LRRC36: variants seen among roughly 807,000 people sequenced by gnomAD.
LRRC36 encodes the protein leucine rich repeat containing 36, also known as leucine-rich repeat-containing protein 36.
In LRRC36, 62 loss-of-function variants were observed where a neutral mutation model predicts 81.1. The observed-to-expected ratio is 0.76, with a 90% CI of 0.62 to 0.94. LRRC36 has a LOEUF of 0.94. LRRC36 is among the 40% of genes least tolerant of loss of function. The pLI is 0.00. For synonymous variants in LRRC36, 334 were observed against 348.6 expected, an observed-to-expected ratio of 0.96 and a Z score of 0.47; for missense variants, 761 against 881.7, an observed-to-expected ratio of 0.86 and a Z score of 1.73.
chr16:67,376,549 A>T (rs1295186589), intron 10 of LRRC36, among the ~76,000 whole-genome samples, 178 bp from the exon 11 acceptor site: 2 of 152,168 alleles, frequency 1.3e-5, no homozygotes, highest in African/African-American at 4.8e-5. Flanking sequence ...TCCATAGAGG[A>T]TGTAGGATAT....
At chr16:67,355,364 T>C (rs1387128517) in intron 5 of LRRC36, among the ~76,000 whole-genome samples, 1 of 76,968 alleles carries the variant, frequency 1.3e-5, no homozygotes, top group Non-Finnish European at 2.1e-5. Flanking sequence ...TTAAGATGTC[T>C]TTTTTTTTTT....
chr16:67,333,931 TTAA>T (rs2037623530), intron 1 of LRRC36, among the ~76,000 whole-genome samples: 1 of 152,232 alleles, frequency 6.6e-6, no homozygotes, highest in Non-Finnish European at 1.5e-5. Context: ...GATGCGATTA[TTAA>T]CTAAAGTCCA....
rs1282341997 is a variant in LRRC36, at chr16:67,385,099, G to A, written c.*10G>A. 26 of 1,605,724 alleles carry A rather than the reference G, an allele frequency of 1.6e-5. No individual in the cohort carries two copies. Among genetic ancestry groups the A allele is most frequent in the Non-Finnish European group, 2.2e-5 (26 of 1,173,248 alleles). ...AGAGCCTGGCTTATAGAGCTAGCAT[G>A]GAACTCACACCACAGCTTCCCTGGT... On this transcript the variant is annotated 3_prime_UTR_variant, in exon 14 of 14. Transcript: ENST00000329956.
chr16:67,360,194 C>A (rs988447393), intron 5 of LRRC36, among the ~76,000 whole-genome samples: 1 of 151,452 alleles, frequency 6.6e-6, no homozygotes. Flanking sequence ...GGGGGCTGTT[C>A]AGGAAATTTA....
rs371614629 is a variant in LRRC36, at chr16:67,345,853, A to C, written c.199-403A>C. Among the ~76,000 whole-genome samples, 142 of 151,572 alleles carry C rather than the reference A, an allele frequency of 9.4e-4. 1 individual carries two copies. The highest frequency in any genetic ancestry group is 3.3e-3 in the South Asian group (16 of 4,802). On this transcript the variant is annotated intron_variant, in intron 2 of 13. Transcript: ENST00000329956. ...TTGCTTACCTCCCTTCTTCTTGTAA[A>C]TTAAGGTGCTTTTGGGATCAGGAGA...
chr16:67,378,841 C>T (rs886902416), intron 12 of LRRC36, 129 bp downstream of exon 12: 4 of 981,546 alleles, frequency 4.1e-6, no homozygotes, highest in African/African-American at 1.7e-5. Flanking sequence ...ATCAGTTTTC[C>T]TGGCAGTTAA....
chr16:67,362,235 T>C (rs1278702608), intron 5 of LRRC36: 2 of 451,538 alleles, frequency 4.4e-6, no homozygotes, highest in Admixed American at 4.8e-5. Flanking sequence ...CGATCTCGGC[T>C]CACTGCAACC....
At chr16:67,362,477 A>G (rs2142086580) in intron 5 of LRRC36, among the ~76,000 whole-genome samples, 1 of 152,186 alleles carries the variant, frequency 6.6e-6, no homozygotes, top group Middle Eastern at 3.4e-3. Flanking sequence ...TTGAATATAT[A>G]TACAGAGCCT....
intron 5 of LRRC36, among the ~76,000 whole-genome samples, chr16:67,361,455 T>C (rs1042135715): frequency 1.3e-5 from 2 of 152,166 alleles, no homozygotes; most frequent in Non-Finnish European, 2.9e-5. Context: ...AGTAAAAATA[T>C]TGGTAAAAAA....
At position 67,371,090 on chromosome 16, in the gene LRRC36, C is replaced by T. The variant is rs754545646; in HGVS notation, c.1342C>T (p.Arg448Trp). Residue 448 changes from arginine to tryptophan, a missense_variant, in exon 9 of 14, where the codon CGG becomes TGG. By Grantham distance (101) the Arg-to-Trp change is moderately radical. Transcript: ENST00000329956. ...AVLGNRTTPL[R>W]TLLLSPGTSE... is the part of the protein sequence containing the mutation. ...CCTGGGAAACAGGACAACTCCTCTG[C>T]GGACACTGCTGTTGTCTCCTGGGAC... 8.7e-6 allele frequency: 14 copies of T among 1,614,056 alleles called. No homozygotes were observed. Among genetic ancestry groups the T allele is most frequent in the African/African-American group, 2.7e-5 (2 of 74,908 alleles).
intron 12 of LRRC36, among the ~76,000 whole-genome samples, chr16:67,379,453 A>G (rs763272316): frequency 4.6e-5 from 7 of 152,174 alleles, no homozygotes; most frequent in Non-Finnish European, 1.0e-4. Context: ...GCAGTGGCTC[A>G]TTCCTGTAAT....
intron 1 of LRRC36, 98 bp from the exon 2 acceptor site, chr16:67,341,859 C>A: frequency 1.1e-6 from 1 of 917,266 alleles, no homozygotes; most frequent in Non-Finnish European, 1.6e-6. Flanking sequence ...TAGGGCCTTG[C>A]ACAGTTGAGA....
intron 8 of LRRC36, among the ~76,000 whole-genome samples, chr16:67,369,055 A>G (rs1159413926): frequency 1.3e-5 from 2 of 152,294 alleles, no homozygotes; most frequent in Non-Finnish European, 2.9e-5. Flanking sequence ...CTTTCCAGAG[A>G]TGCCAATTTG....
chr16:67,332,180 ATTGGAAGATCATTCTTTTATTC>A (rs935991486), intron 1 of LRRC36, among the ~76,000 whole-genome samples: 39 of 152,154 alleles, frequency 2.6e-4, no homozygotes, highest in African/African-American at 9.4e-4. Context: ...ATATATTAAA[ATTGGAAGATCATTCTTTTATTC>A]TTGGCATCTA....
intron 10 of LRRC36, 77 bp downstream of exon 10, chr16:67,375,489 G>T: frequency 7.8e-7 from 1 of 1,278,572 alleles, no homozygotes; most frequent in Non-Finnish European, 1.0e-6. Flanking sequence ...AAGCCACTTA[G>T]CTCTCTTCAC....
chr16:67,330,935 A>T (rs1352662932), intron 1 of LRRC36, among the ~76,000 whole-genome samples: 1 of 152,158 alleles, frequency 6.6e-6, no homozygotes, highest in African/African-American at 2.4e-5. Flanking sequence ...TAGACTAGGT[A>T]ATTTATAAAG....
intron 1 of LRRC36, among the ~76,000 whole-genome samples, chr16:67,334,872 C>T (rs951521413): frequency 3.3e-5 from 5 of 152,010 alleles, no homozygotes; most frequent in Admixed American, 1.3e-4. Flanking sequence ...CAGCAGGTTC[C>T]GTGATGCCCC....
intron 2 of LRRC36, among the ~76,000 whole-genome samples, chr16:67,343,680 G>T (rs1400786244): frequency 3.4e-5 from 5 of 146,742 alleles, no homozygotes; most frequent in African/African-American, 1.3e-4. Flanking sequence ...GGGCAAAAGA[G>T]TGAGACCATC....
rs780272920 is a variant in LRRC36 at position 67,347,634 on chromosome 16, CATAGGAAAT to C, written c.488+45_488+53del. Reference sequence around the variant, plus strand: ...AAAATTTTTAAAGTTTGGTTCTGGACATAGGAAATAGTGAATTCCTGCTTAGCTTTCTTC... The same window carrying C: ...AAAATTTTTAAAGTTTGGTTCTGGACAGTGAATTCCTGCTTAGCTTTCTTC... On this transcript the variant is annotated intron_variant, in intron 4 of 13. Coordinates refer to ENST00000329956, the MANE Select transcript of LRRC36 (RefSeq NM_018296.6). 6.3e-6 allele frequency: 9 copies of C among 1,420,530 alleles called. No individual in the cohort carries two copies. In the South Asian group the frequency reaches 1.1e-4, roughly 17 times the overall value. 88.0% of individuals were successfully genotyped at this position (1,420,530 alleles called of 1,614,324 possible). A position where few individuals can be genotyped will look rare whatever the true frequency, so the allele number is the denominator to read the frequency against.
Sources: allele counts gnomAD v4.1 joint callset (sites outside exome capture counted in the v4.1 genomes callset), GRCh38; gene constraint gnomAD v4.1.1; transcripts MANE v1.5; gene names NCBI Gene and HGNC (gene_info 2026-07-23, HGNC 2026-07-21).